ARID5B: variants seen among roughly 807,000 people sequenced by gnomAD.
ARID5B encodes the protein AT-rich interactive domain-containing protein 5B.
In ARID5B, 13 loss-of-function variants were observed where a neutral mutation model predicts 97.2. The ratio of observed to expected loss-of-function variants is 0.13; its 90% CI spans 0.09 to 0.21. The LOEUF (loss-of-function observed/expected upper bound fraction) is 0.21. ARID5B is among the 10% of genes least tolerant of loss of function. ARID5B has a pLI of 1.00. For missense variants in ARID5B, 1,210 were observed against 1,465.3 expected (o/e 0.83, Z 2.84); for synonymous variants, 556 against 570.3 (o/e 0.97, Z 0.36).
intron 8 of ARID5B, among the ~76,000 whole-genome samples, chr10:62,077,848 T>C (rs548789750): frequency 6.6e-6 from 1 of 152,338 alleles, no homozygotes; most frequent in Non-Finnish European, 1.5e-5. Context: ...TTTTCAGTTA[T>C]GTGAGTAACA....
intron 2 of ARID5B, among the ~76,000 whole-genome samples, chr10:61,906,545 G>A (rs1217612123): frequency 6.6e-6 from 1 of 152,212 alleles, no homozygotes; most frequent in Non-Finnish European, 1.5e-5. Flanking sequence ...GATTTTATAA[G>A]AAGGTTTGCT....
chr10:62,091,213 G>C lies in ARID5B; in HGVS notation c.1750G>C (p.Glu584Gln), dbSNP rs1426793103. Residue 584 changes from glutamate (E) to glutamine (Q), a missense_variant, in exon 10 of 10, where the codon GAG becomes CAG. By Grantham distance (29) the Glu-to-Gln change is conservative (BLOSUM62 2). Coordinates refer to ENST00000279873, the MANE Select transcript of ARID5B (RefSeq NM_032199.3). The part of the protein sequence containing the change: ...KQESKLCCFT[E>Q]SPESEPQEAS... ...AGAATCCAAACTGTGCTGTTTTACAGAGAGCCCTGAAAGTGAACCCCAAGA... is the reference window on the plus strand; with the variant it reads ...AGAATCCAAACTGTGCTGTTTTACACAGAGCCCTGAAAGTGAACCCCAAGA... 5.0e-6 allele frequency: 8 copies of C among 1,614,168 alleles called. No individual in the cohort carries two copies. The highest frequency in any genetic ancestry group is 1.1e-5 in the South Asian group (1 of 91,078).
chr10:61,984,305 C>T (rs894124900), intron 3 of ARID5B, among the ~76,000 whole-genome samples: 1 of 152,192 alleles, frequency 6.6e-6, no homozygotes, highest in Non-Finnish European at 1.5e-5. Flanking sequence ...CATGTTCACC[C>T]ATGTAAACCC....
chr10:62,039,278 A>T (rs916730743), intron 4 of ARID5B, among the ~76,000 whole-genome samples: 2 of 152,218 alleles, frequency 1.3e-5, no homozygotes, highest in Middle Eastern at 3.2e-3. Context: ...AAATTAGTAC[A>T]ATATAAGTAT....
intron 2 of ARID5B, among the ~76,000 whole-genome samples, chr10:61,938,997 G>GTC (rs1844353751): frequency 6.6e-6 from 1 of 151,264 alleles, no homozygotes; most frequent in African/African-American, 2.4e-5. Context: ...GTGTGTGTGT[G>GTC]TGTGTGTCGG....
chr10:62,026,161 G>T (rs1451195434), intron 4 of ARID5B, among the ~76,000 whole-genome samples: 1 of 152,208 alleles, frequency 6.6e-6, no homozygotes, highest in Admixed American at 6.5e-5. Context: ...CCCAAGCCTT[G>T]TTGCAAGAAA....
At chr10:61,936,524 A>G (rs1844303071) in intron 2 of ARID5B, among the ~76,000 whole-genome samples, 1 of 152,214 alleles carries the variant, frequency 6.6e-6, no homozygotes, top group East Asian at 1.9e-4. Flanking sequence ...AGGCTGAGGC[A>G]GGAGAATCGC....
At position 61,902,118 on chromosome 10, in the gene ARID5B, T is replaced by C. The variant is rs565092480; in HGVS notation, c.22-41T>C. ...CTGGGAATAGATGTTTGTGCTCTGATGGCTACATTATTTATTTGGTGTTTT... is the reference window on the plus strand; with the variant it reads ...CTGGGAATAGATGTTTGTGCTCTGACGGCTACATTATTTATTTGGTGTTTT... On this transcript the variant is annotated intron_variant, in intron 1 of 9. Transcript: ENST00000279873. 1.9e-6 allele frequency: 3 copies of C among 1,608,772 alleles called. No homozygotes were observed. The South Asian group carries it at 3.3e-5, about 18-fold the overall frequency.
chr10:61,934,210 C>T (rs542765926), intron 2 of ARID5B, among the ~76,000 whole-genome samples: 1 of 152,298 alleles, frequency 6.6e-6, no homozygotes, highest in East Asian at 1.9e-4. Flanking sequence ...AGAGTTAGGG[C>T]CCTGCTCTGG....
chr10:62,029,364 A>AT (rs1235046420), intron 4 of ARID5B, among the ~76,000 whole-genome samples: 1 of 152,116 alleles, frequency 6.6e-6, no homozygotes, highest in Non-Finnish European at 1.5e-5. Flanking sequence ...ATAACAACTT[A>AT]TTTTTTTCCT....
rs777665946 is a variant in ARID5B at position 62,093,080 on chromosome 10, T to G, written c.*50T>G. On this transcript the variant is annotated 3_prime_UTR_variant, in exon 10 of 10. Coordinates refer to ENST00000279873, the MANE Select transcript of ARID5B (RefSeq NM_032199.3). ...AGCGGCATGGCCAACAGAGCTTCACTCCTTACCCAGGAGTGCTGGCTTATA... is the reference window on the plus strand; with the variant it reads ...AGCGGCATGGCCAACAGAGCTTCACGCCTTACCCAGGAGTGCTGGCTTATA... The G allele has an allele frequency of 5.8e-6, 9 of 1,550,106 alleles. No individual in the cohort carries two copies. The highest frequency in any genetic ancestry group is 7.8e-6 in the Non-Finnish European group (9 of 1,156,942).
At chr10:62,039,621 A>T (rs969979431) in intron 4 of ARID5B, among the ~76,000 whole-genome samples, 1 of 152,136 alleles carries the variant, frequency 6.6e-6, no homozygotes, top group Non-Finnish European at 1.5e-5. Flanking sequence ...CTACTATAAC[A>T]AGTTGTTTGG....
intron 3 of ARID5B, among the ~76,000 whole-genome samples, chr10:61,991,261 G>A (rs1433290726): frequency 2.0e-5 from 3 of 152,214 alleles, no homozygotes; most frequent in Admixed American, 1.3e-4. Context: ...AAATTTTTAA[G>A]GAAGTCCCAT....
At chr10:61,982,469 T>TA in intron 3 of ARID5B, among the ~76,000 whole-genome samples, 1 of 152,184 alleles carries the variant, frequency 6.6e-6, no homozygotes, top group East Asian at 1.9e-4. Context: ...CTTTGTCTTT[T>TA]ACAACAAGGA....
At chr10:62,024,132 A>T (rs1210328963) in intron 4 of ARID5B, among the ~76,000 whole-genome samples, 2 of 152,218 alleles carry the variant, frequency 1.3e-5, no homozygotes, top group Non-Finnish European at 2.9e-5. Flanking sequence ...AATTCAACAA[A>T]TATTTAGGGA....
intron 2 of ARID5B, among the ~76,000 whole-genome samples, chr10:61,933,816 C>T (rs1564605883): frequency 6.6e-6 from 1 of 152,180 alleles, no homozygotes; most frequent in Non-Finnish European, 1.5e-5. Flanking sequence ...CTAGGATTTT[C>T]AGAATGGTAA....
At chr10:61,954,479 G>A (rs572290159) in intron 3 of ARID5B, among the ~76,000 whole-genome samples, 2 of 152,116 alleles carry the variant, frequency 1.3e-5, no homozygotes, top group Non-Finnish European at 2.9e-5. Flanking sequence ...ATCACTCTTA[G>A]ATCATGATTA....
At chr10:62,065,755 A>C (rs1043282249) in intron 7 of ARID5B, among the ~76,000 whole-genome samples, 1 of 148,198 alleles carries the variant, frequency 6.7e-6, no homozygotes, top group African/African-American at 2.5e-5. Flanking sequence ...CTGAGGCAGG[A>C]GGATAGCGTG....
At chr10:62,080,934 T>C (rs1840205148) in intron 8 of ARID5B, among the ~76,000 whole-genome samples, 1 of 152,068 alleles carries the variant, frequency 6.6e-6, no homozygotes, top group South Asian at 2.1e-4. Context: ...GCAATTCTCC[T>C]GCCTCAGTTT....
Sources: gnomAD v4.1 joint callset for allele counts (sites outside exome capture counted in the v4.1 genomes callset) on GRCh38, gnomAD v4.1.1 for gene constraint, MANE v1.5 for transcripts, NCBI Gene and HGNC (gene_info 2026-07-23, HGNC 2026-07-21) for gene names.